The following ELAPOR2 variants were observed in gnomAD, a reference collection of about 807,000 sequenced individuals.
ELAPOR2 encodes the protein endosome-lysosome associated apoptosis and autophagy regulator family member 2, also known as endosome/lysosome-associated apoptosis and autophagy regulator family member 2.
ELAPOR2 carries 89 observed loss-of-function variants against 120.7 expected under a neutral mutation model. The ratio of observed to expected loss-of-function variants is 0.74; its 90% CI spans 0.62 to 0.88. The LOEUF is 0.88. ELAPOR2 is among the 40% of genes least tolerant of loss of function. The probability of loss-of-function intolerance (pLI) is 0.00; values close to 1 mark genes in which losing one functional copy is unlikely to be tolerated. For missense variants in ELAPOR2, 1,134 were observed against 1,251.6 expected, an observed-to-expected ratio of 0.91 and a Z score of 1.42; for synonymous variants, 444 against 444.9, an observed-to-expected ratio of 1.00 and a Z score of 0.03.
rs74877317 is a variant in ELAPOR2 at position 86,892,772 on chromosome 7, T to C, written c.2864+150A>G. The C allele has an allele frequency of 2.1e-3, 1,179 of 562,624 alleles. 17 individuals are homozygous for C. The highest frequency in any genetic ancestry group is 0.021 in the African/African-American group (1,064 of 50,840). 34.9% of individuals were successfully genotyped at this position (562,624 alleles called of 1,614,324 possible). ...ATAACAATCGTTTCCTCTGCTTGCT[T>C]TCTCAAGGCCTTTCCTATGATTTCT... On this transcript the variant is annotated intron_variant, in intron 20 of 21. Coordinates refer to ENST00000450689, the MANE Select transcript of ELAPOR2 (RefSeq NM_001142749.3).
chr7:86,998,169 A>G (rs1304907628), intron 1 of ELAPOR2, among the ~76,000 whole-genome samples: 1 of 152,250 alleles, frequency 6.6e-6, no homozygotes, highest in Non-Finnish European at 1.5e-5. Flanking sequence ...TCAAGAGATC[A>G]CAGATGAATA....
At chr7:86,925,491 T>A in intron 10 of ELAPOR2, 37 bp downstream of exon 10, 1 of 1,605,278 alleles carries the variant, frequency 6.2e-7, no homozygotes, top group Non-Finnish European at 8.5e-7. Flanking sequence ...ATGTCTCTAT[T>A]GCTGAAATAC....
intron 21 of ELAPOR2, among the ~76,000 whole-genome samples, chr7:86,886,932 A>G (rs1378868361): frequency 6.6e-6 from 1 of 152,156 alleles, no homozygotes; most frequent in Non-Finnish European, 1.5e-5. Flanking sequence ...TCATCTATGA[A>G]TAACTGAAAA....
chr7:87,011,636 T>C (rs1435700738), intron 1 of ELAPOR2, among the ~76,000 whole-genome samples: 3 of 152,230 alleles, frequency 2.0e-5, no homozygotes, highest in Admixed American at 6.5e-5. Context: ...TTTTACCAAC[T>C]TGGTGTCTTG....
chr7:86,882,134 T>A (rs1456258853), intron 21 of ELAPOR2, among the ~76,000 whole-genome samples: 5 of 152,226 alleles, frequency 3.3e-5, no homozygotes, highest in Admixed American at 1.3e-4. Context: ...CTGTGAGAAC[T>A]GGCCTGAGGT....
rs571393594 is a variant in ELAPOR2 at position 87,008,477 on chromosome 7, A to G, written c.190-43453T>C. Among the ~76,000 whole-genome samples, 5 of 152,362 alleles carry G rather than the reference A, an allele frequency of 3.3e-5. No homozygotes were observed. In the East Asian group the frequency reaches 9.6e-4, roughly 29 times the overall value. On this transcript the variant is annotated intron_variant, in intron 1 of 21. Coordinates refer to ENST00000450689, the MANE Select transcript of ELAPOR2 (RefSeq NM_001142749.3). ...GGGACTACAGACAGAAATATGCATC[A>G]AAGTAAAATGTTCTGATTTTAATCA...
At chr7:86,939,213 G>A (rs1391450507) in intron 6 of ELAPOR2, among the ~76,000 whole-genome samples, 1 of 152,058 alleles carries the variant, frequency 6.6e-6, no homozygotes, top group Admixed American at 6.6e-5. Context: ...GCAGTCAAAA[G>A]ACAACTCCAC....
chr7:86,898,691 TG>T (rs1393164766), intron 18 of ELAPOR2, among the ~76,000 whole-genome samples: 3 of 151,692 alleles, frequency 2.0e-5, no homozygotes. Context: ...TGCAAAGGAA[TG>T]AACAGGTATG....
chr7:87,033,319 T>C (rs1046336596), intron 1 of ELAPOR2, among the ~76,000 whole-genome samples: 1 of 152,208 alleles, frequency 6.6e-6, no homozygotes, highest in Non-Finnish European at 1.5e-5. Flanking sequence ...TAAATGGAAC[T>C]TGTTATCAAA....
At chr7:87,011,361 C>G (rs1344404072) in intron 1 of ELAPOR2, among the ~76,000 whole-genome samples, 1 of 152,002 alleles carries the variant, frequency 6.6e-6, no homozygotes, top group East Asian at 1.9e-4. Context: ...AGGAGAGAAC[C>G]TTTCCTAGAC....
At chr7:87,043,864 T>C (rs1430253526) in intron 1 of ELAPOR2, among the ~76,000 whole-genome samples, 3 of 151,710 alleles carry the variant, frequency 2.0e-5, no homozygotes, top group Non-Finnish European at 2.9e-5. Context: ...GAAAACCCCA[T>C]TGTCTCAGCC....
intron 9 of ELAPOR2, 84 bp downstream of exon 9, chr7:86,926,652 T>G: frequency 4.5e-6 from 6 of 1,329,528 alleles, no homozygotes; most frequent in Non-Finnish European, 6.1e-6. Flanking sequence ...CCACTTTCCA[T>G]AAAAACAATT....
chr7:86,986,747 A>G (rs936104501), intron 1 of ELAPOR2, among the ~76,000 whole-genome samples: 1 of 151,900 alleles, frequency 6.6e-6, no homozygotes, highest in South Asian at 2.1e-4. Context: ...GGAAGAATCA[A>G]TATCGTGAAA....
chr7:86,941,264 T>C, intron 5 of ELAPOR2: 1 of 511,896 alleles, frequency 2.0e-6, no homozygotes, highest in South Asian at 1.5e-5. Context: ...GAAACACAAC[T>C]ATAAACCGGA....
chr7:87,049,799 A>G (rs1174774320), intron 1 of ELAPOR2, among the ~76,000 whole-genome samples: 1 of 152,176 alleles, frequency 6.6e-6, no homozygotes, highest in Non-Finnish European at 1.5e-5. Context: ...GGGGACTTCT[A>G]TGGTTTGAAT....
chr7:87,025,433 G>A (rs1443419305), intron 1 of ELAPOR2, among the ~76,000 whole-genome samples: 1 of 152,034 alleles, frequency 6.6e-6, no homozygotes, highest in Non-Finnish European at 1.5e-5. Context: ...CTTTACAGAT[G>A]ATCTAAACCA....
In ELAPOR2 at chr7:87,053,101, C is replaced by T. The variant is rs538335186; in HGVS notation, c.189+6224G>A. 1.2e-3 allele frequency among the ~76,000 whole-genome samples: 188 copies of T among 152,170 alleles called. 3 individuals carry two copies. The South Asian group carries it at 0.015, about 12-fold the overall frequency. On this transcript the variant is annotated intron_variant, in intron 1 of 21. Coordinates refer to ENST00000450689, the MANE Select transcript of ELAPOR2 (RefSeq NM_001142749.3). ...GTGTGGGCCACCTCGCCCAAACTGA[C>T]CACTAGGGTTTATTTCAGGGTCTTA...
intron 1 of ELAPOR2, among the ~76,000 whole-genome samples, chr7:86,967,774 C>T (rs181440840): frequency 1.1e-3 from 170 of 152,292 alleles, no homozygotes; most frequent in African/African-American, 3.0e-3. Flanking sequence ...ACTCCTTTAT[C>T]CTATCTGCCT....
chr7:86,942,005 C>G lies in ELAPOR2; in HGVS notation c.741+13G>C. 1 of 1,514,484 alleles carries G rather than the reference C, an allele frequency of 6.6e-7. No individual in the cohort carries two copies. The highest frequency in any genetic ancestry group is 9.0e-7 in the Non-Finnish European group (1 of 1,114,706). 93.8% of individuals were successfully genotyped at this position (1,514,484 alleles called of 1,614,324 possible). A position where few individuals can be genotyped will look rare whatever the true frequency, so the allele number is the denominator to read the frequency against. On this transcript the variant is annotated intron_variant, in intron 5 of 21. Transcript: ENST00000450689. ...AAAATTGGCAAAGAAGAAGGAAATACAAAGAGACTTACAGAATGAGAGCCC... is the reference window on the plus strand; with the variant it reads ...AAAATTGGCAAAGAAGAAGGAAATAGAAAGAGACTTACAGAATGAGAGCCC...
Sources: allele counts gnomAD v4.1 joint callset (sites outside exome capture counted in the v4.1 genomes callset), GRCh38; gene constraint gnomAD v4.1.1; transcripts MANE v1.5; gene names NCBI Gene and HGNC (gene_info 2026-07-23, HGNC 2026-07-21).